The following STPG2 variants were observed in gnomAD, a reference collection of about 807,000 sequenced individuals.
STPG2 encodes the protein sperm-tail PG-rich repeat-containing protein 2.
In STPG2, 56 loss-of-function variants were observed where a neutral mutation model predicts 54.2. The ratio of observed to expected loss-of-function variants is 1.03; its 90% confidence interval spans 0.83 to 1.29. The LOEUF is 1.29. Among genes scored for constraint, STPG2 ranks in the 50% most tolerant of loss-of-function variants. The pLI is 0.00. For synonymous variants in STPG2, 200 were observed against 181.8 expected (o/e 1.10, Z -0.81); for missense variants, 596 against 544.9 (o/e 1.09, Z -0.93).
At chr4:97,853,316 G>C (rs950117337) in intron 8 of STPG2, among the ~76,000 whole-genome samples, 2 of 152,020 alleles carry the variant, frequency 1.3e-5, no homozygotes, top group African/African-American at 4.8e-5. Flanking sequence ...ACTCCCATCT[G>C]TTGCCAGATT....
At chr4:97,676,940 T>C (rs1038362237) in intron 10 of STPG2, among the ~76,000 whole-genome samples, 1 of 152,202 alleles carries the variant, frequency 6.6e-6, no homozygotes, top group Non-Finnish European at 1.5e-5. Context: ...AGTACTTTTA[T>C]CAGAGAGTAA....
At chr4:98,120,733 C>T (rs1739654845) in intron 3 of STPG2, among the ~76,000 whole-genome samples, 1 of 152,242 alleles carries the variant, frequency 6.6e-6, no homozygotes, top group African/African-American at 2.4e-5. Flanking sequence ...TGTTCATGTC[C>T]TTTGCCCCTT....
At chr4:97,928,323 CT>C (rs1276069797) in intron 8 of STPG2, among the ~76,000 whole-genome samples, 5 of 152,240 alleles carry the variant, frequency 3.3e-5, no homozygotes, top group Admixed American at 1.3e-4. Flanking sequence ...GTACTCCTTA[CT>C]TTCTAACTCT....
At chr4:97,446,096 C>A (rs1018758754) in intron 4 of STPG2, among the ~76,000 whole-genome samples, 1 of 152,088 alleles carries the variant, frequency 6.6e-6, no homozygotes, top group Non-Finnish European at 1.5e-5. Context: ...TGCAATTTAA[C>A]TAAAAAAGTC....
chr4:97,921,166 G>C (rs989256153), intron 8 of STPG2, among the ~76,000 whole-genome samples: 20 of 152,066 alleles, frequency 1.3e-4, no homozygotes, highest in Admixed American at 3.3e-4. Context: ...CTCCTCATAG[G>C]GGGAAGGAGA....
At chr4:97,843,131 CATGAAGAATGGATATAAT>C (rs1418125319) in intron 8 of STPG2, among the ~76,000 whole-genome samples, 1 of 151,296 alleles carries the variant, frequency 6.6e-6, no homozygotes, top group African/African-American at 2.4e-5. Context: ...AAAGAAGGGA[CATGAAGAATGGATATAAT>C]AGACATTTCT....
intron 8 of STPG2, among the ~76,000 whole-genome samples, chr4:97,939,570 T>A (rs1023318439): frequency 5.9e-4 from 90 of 152,340 alleles, no homozygotes; most frequent in Middle Eastern, 6.8e-3. Context: ...TCTTTGTCAT[T>A]TCTGATCTTT....
intron 5 of STPG2, among the ~76,000 whole-genome samples, chr4:98,002,199 G>A (rs1327758612): frequency 6.6e-6 from 1 of 151,870 alleles, no homozygotes; most frequent in Non-Finnish European, 1.5e-5. Context: ...GATTGCATTG[G>A]TCTGAAGAAA....
intron 5 of STPG2, among the ~76,000 whole-genome samples, chr4:98,039,870 CTAATTT>C (rs767562973): frequency 3.6e-4 from 54 of 151,668 alleles, no homozygotes; most frequent in Non-Finnish European, 6.3e-4. Context: ...AATGGTAATT[CTAATTT>C]TATTTCTTTA....
chr4:98,113,106 T>A (rs1399881544), intron 3 of STPG2, among the ~76,000 whole-genome samples: 1 of 149,582 alleles, frequency 6.7e-6, no homozygotes, highest in Non-Finnish European at 1.5e-5. Flanking sequence ...TCTAACAGAG[T>A]ATAACACGAA....
At chr4:97,934,572 G>A (rs183303963) in intron 8 of STPG2, among the ~76,000 whole-genome samples, 272 of 152,220 alleles carry the variant, frequency 1.8e-3, no homozygotes, top group Non-Finnish European at 3.2e-3. Flanking sequence ...TAACATGAGG[G>A]ATGTTGAATT....
At chr4:98,058,447 A>T (rs1255957556) in intron 5 of STPG2, among the ~76,000 whole-genome samples, 4 of 152,202 alleles carry the variant, frequency 2.6e-5, no homozygotes, top group Non-Finnish European at 1.5e-5. Context: ...ACCAATAAAT[A>T]TCAAAAAATA....
chr4:97,563,613 A>T (rs950553597), intron 10 of STPG2, among the ~76,000 whole-genome samples: 5 of 152,130 alleles, frequency 3.3e-5, no homozygotes, highest in Non-Finnish European at 7.4e-5. Flanking sequence ...ATTTTGAATG[A>T]GTCCCAGAGA....
intron 8 of STPG2, among the ~76,000 whole-genome samples, chr4:97,907,777 C>T (rs913773405): frequency 3.3e-5 from 5 of 152,132 alleles, no homozygotes; most frequent in African/African-American, 4.8e-5. Flanking sequence ...AAAGGATTCC[C>T]TATTTAATAA....
At chr4:97,938,806 G>A (rs1180423941) in intron 8 of STPG2, among the ~76,000 whole-genome samples, 4 of 151,936 alleles carry the variant, frequency 2.6e-5, no homozygotes, top group African/African-American at 9.7e-5. Context: ...GTCCTGATGA[G>A]AGAACCTGGA....
intron 8 of STPG2, among the ~76,000 whole-genome samples, chr4:97,893,618 G>A (rs764428802): frequency 6.6e-5 from 10 of 151,842 alleles, no homozygotes; most frequent in Non-Finnish European, 1.3e-4. Flanking sequence ...ATTTCTCAGA[G>A]TAAAAAAACT....
intron 9 of STPG2, among the ~76,000 whole-genome samples, chr4:97,728,347 T>C (rs1724685079): frequency 6.6e-6 from 1 of 152,074 alleles, no homozygotes; most frequent in African/African-American, 2.4e-5. Context: ...CATTTATTTC[T>C]AAGTATTAGT....
chr4:97,945,670 C>A (rs1733185889), intron 7 of STPG2, among the ~76,000 whole-genome samples: 1 of 152,096 alleles, frequency 6.6e-6, no homozygotes, highest in African/African-American at 2.4e-5. Flanking sequence ...AACTTACACT[C>A]CTACCATTAA....
At chr4:97,875,949 G>A (rs951783400) in intron 8 of STPG2, among the ~76,000 whole-genome samples, 3 of 151,766 alleles carry the variant, frequency 2.0e-5, no homozygotes, top group Admixed American at 6.6e-5. Flanking sequence ...ACCAACAACA[G>A]GCACTTTGAG....
Sources: allele counts gnomAD v4.1 joint callset (sites outside exome capture counted in the v4.1 genomes callset), GRCh38; gene constraint gnomAD v4.1.1; transcripts MANE v1.5; gene names NCBI Gene and HGNC (gene_info 2026-07-23, HGNC 2026-07-21).